Variants in CCDC85A observed in about 807,000 individuals in gnomAD.
CCDC85A encodes coiled-coil domain containing 85A, also known as coiled-coil domain-containing protein 85A.
In CCDC85A, 38 loss-of-function variants were observed where a neutral mutation model predicts 50.2. The ratio of observed to expected loss-of-function variants is 0.76; its 90% CI spans 0.58 to 0.99. The LOEUF is 0.99. Among genes scored for constraint, CCDC85A ranks in the 50% least tolerant of loss-of-function variants. The probability of loss-of-function intolerance (pLI) is 0.00; values close to 1 mark genes in which losing one functional copy is unlikely to be tolerated. For synonymous variants in CCDC85A, 366 were observed against 301.4 expected, an observed-to-expected ratio of 1.21 and a Z score of -2.22; for missense variants, 820 against 742.0, an observed-to-expected ratio of 1.11 and a Z score of -1.22.
intron 2 of CCDC85A, among the ~76,000 whole-genome samples, chr2:56,315,657 C>T (rs1672888490): frequency 6.6e-6 from 1 of 151,950 alleles, no homozygotes; most frequent in South Asian, 2.1e-4. Flanking sequence ...TGGGACTGAC[C>T]CTTACAGGCT....
rs1675899194 is a variant in CCDC85A, at chr2:56,184,395, C to G, written c.-230C>G. ...GAGTTGGGACGGGCCTCGGCAGCAG[C>G]AAGCGGCTGGCTGCCGGGCCCTGGG... On this transcript the variant is annotated 5_prime_UTR_variant, in exon 1 of 6. Transcript: ENST00000407595. 2.0e-6 allele frequency: 1 copy of G among 506,750 alleles called. No individual in the cohort carries two copies. 31.4% of individuals were successfully genotyped at this position (506,750 alleles called of 1,614,324 possible). A position where few individuals can be genotyped will look rare whatever the true frequency, so the allele number is the denominator to read the frequency against.
rs1426328239 is a variant in CCDC85A, at chr2:56,184,067, G to C, written c.-558G>C. ...GCCGCGGGCGCAGCGAAGGCGGCAGGAGGAGCGCAGCAGCCTTCGGGCAGC... is the reference window on the plus strand; with the variant it reads ...GCCGCGGGCGCAGCGAAGGCGGCAGCAGGAGCGCAGCAGCCTTCGGGCAGC... On this transcript the variant is annotated 5_prime_UTR_variant, in exon 1 of 6. Coordinates refer to ENST00000407595, the MANE Select transcript of CCDC85A (RefSeq NM_001080433.2). 48 of 985,316 alleles carry C rather than the reference G, an allele frequency of 4.9e-5. No homozygotes were observed. The highest frequency in any genetic ancestry group is 5.5e-5 in the Non-Finnish European group (46 of 830,006). 61.0% of individuals were successfully genotyped at this position (985,316 alleles called of 1,614,324 possible). A position where few individuals can be genotyped will look rare whatever the true frequency, so the allele number is the denominator to read the frequency against.
chr2:56,383,775 T>C (rs1351889777), intron 5 of CCDC85A: 1 of 980,276 alleles, frequency 1.0e-6, no homozygotes, highest in African/African-American at 1.8e-5. Flanking sequence ...CCTCAGCACA[T>C]TAAACACTGA....
In CCDC85A at chr2:56,336,530, A is replaced by G. The variant is rs1052215574; in HGVS notation, c.1241-6349A>G. ...ACCAGATTTTATTTTCTGCCCTGAG[A>G]TTTTGGAGAGATGACATCACTTCAT... is the stretch of plus-strand genomic sequence containing the variant. On this transcript the variant is annotated intron_variant, in intron 2 of 5. Coordinates refer to ENST00000407595, the MANE Select transcript of CCDC85A (RefSeq NM_001080433.2). Among the ~76,000 whole-genome samples the G allele has an allele frequency of 3.3e-5, 5 of 152,256 alleles. No homozygotes were observed. In the South Asian group the frequency reaches 1.0e-3, roughly 32 times the overall value.
At chr2:56,324,474 G>A (rs1429501244) in intron 2 of CCDC85A, among the ~76,000 whole-genome samples, 1 of 151,970 alleles carries the variant, frequency 6.6e-6, no homozygotes, top group African/African-American at 2.4e-5. Context: ...CCTCTGGCCA[G>A]TCTCCCTCCA....
intron 2 of CCDC85A, among the ~76,000 whole-genome samples, chr2:56,255,489 A>G (rs1669943929): frequency 6.6e-6 from 1 of 152,154 alleles, no homozygotes; most frequent in Admixed American, 6.5e-5. Context: ...ACACAAAGAT[A>G]TAGCTGGCAC....
chr2:56,302,010 C>T (rs898007486), intron 2 of CCDC85A, among the ~76,000 whole-genome samples: 5 of 152,040 alleles, frequency 3.3e-5, no homozygotes, highest in African/African-American at 1.2e-4. Flanking sequence ...AATCCCAGCT[C>T]TTTGGGAGGC....
intron 3 of CCDC85A, among the ~76,000 whole-genome samples, chr2:56,345,658 A>G (rs190194655): frequency 6.6e-6 from 1 of 152,310 alleles, no homozygotes; most frequent in African/African-American, 2.4e-5. Context: ...AACACAATAA[A>G]TGGATGTCAG....
chr2:56,237,218 A>G (rs980976574), intron 2 of CCDC85A, among the ~76,000 whole-genome samples: 2 of 152,100 alleles, frequency 1.3e-5, no homozygotes, highest in Admixed American at 1.3e-4. Flanking sequence ...ATTCACTTCC[A>G]CCAAAGTCAG....
At chr2:56,309,910 A>G (rs1258443358) in intron 2 of CCDC85A, among the ~76,000 whole-genome samples, 1 of 152,152 alleles carries the variant, frequency 6.6e-6, no homozygotes, top group Non-Finnish European at 1.5e-5. Context: ...TGATTATAAT[A>G]TAATGTGCAC....
intron 2 of CCDC85A, among the ~76,000 whole-genome samples, chr2:56,209,085 G>T (rs765587574): frequency 2.6e-5 from 4 of 152,058 alleles, no homozygotes; most frequent in Non-Finnish European, 4.4e-5. Context: ...TGCTCTGAAG[G>T]CCTGGTGGTA....
chr2:56,214,987 G>A (rs1046367076), intron 2 of CCDC85A, among the ~76,000 whole-genome samples: 5 of 151,872 alleles, frequency 3.3e-5, no homozygotes, highest in African/African-American at 1.2e-4. Flanking sequence ...ACAGTATTGA[G>A]TCTTCCAATC....
chr2:56,365,605 G>A (rs530254098), intron 3 of CCDC85A, among the ~76,000 whole-genome samples: 4 of 152,154 alleles, frequency 2.6e-5, no homozygotes, highest in African/African-American at 9.6e-5. Flanking sequence ...ACATTACCAG[G>A]CCCACAGTTA....
intron 2 of CCDC85A, among the ~76,000 whole-genome samples, chr2:56,315,128 C>A (rs1672863789): frequency 6.6e-6 from 1 of 152,164 alleles, no homozygotes; most frequent in Non-Finnish European, 1.5e-5. Context: ...AATGTGTTTT[C>A]CTCTTTCAAA....
At chr2:56,218,021 G>A (rs185422157) in intron 2 of CCDC85A, among the ~76,000 whole-genome samples, 28 of 151,886 alleles carry the variant, frequency 1.8e-4, no homozygotes, top group African/African-American at 6.0e-4. Flanking sequence ...GAGGTTTGGC[G>A]ACATATGGTA....
intron 2 of CCDC85A, among the ~76,000 whole-genome samples, chr2:56,293,480 G>A (rs1394347528): frequency 6.6e-6 from 1 of 152,138 alleles, no homozygotes; most frequent in Non-Finnish European, 1.5e-5. Flanking sequence ...TGACAAATGG[G>A]ATCTAATTAA....
intron 2 of CCDC85A, among the ~76,000 whole-genome samples, chr2:56,232,805 A>C (rs1668831531): frequency 6.6e-6 from 1 of 152,074 alleles, no homozygotes; most frequent in Non-Finnish European, 1.5e-5. Context: ...CCAAGACATC[A>C]CCATTGTTCT....
intron 2 of CCDC85A, among the ~76,000 whole-genome samples, chr2:56,299,024 TAG>T (rs1672084188): frequency 1.3e-5 from 2 of 152,160 alleles, no homozygotes; most frequent in Admixed American, 1.3e-4. Flanking sequence ...AGTCACCTTG[TAG>T]CAAATGCAGG....
chr2:56,313,162 C>A (rs1285840372), intron 2 of CCDC85A, among the ~76,000 whole-genome samples: 1 of 152,098 alleles, frequency 6.6e-6, no homozygotes, highest in African/African-American at 2.4e-5. Context: ...TTTGTACAAT[C>A]CAGTTGGCGA....
Sources: allele counts gnomAD v4.1 joint callset (sites outside exome capture counted in the v4.1 genomes callset), GRCh38; gene constraint gnomAD v4.1.1; transcripts MANE v1.5; gene names NCBI Gene and HGNC (gene_info 2026-07-23, HGNC 2026-07-21).